Variants in GMEB2 observed in about 807,000 individuals in gnomAD.
GMEB2 encodes the protein glucocorticoid modulatory element binding protein 2, also known as glucocorticoid modulatory element-binding protein 2.
A neutral mutation model predicts 45.7 loss-of-function variants in GMEB2; 7 were observed. The observed-to-expected ratio is 0.15, with a 90% CI of 0.09 to 0.29. GMEB2 has a LOEUF of 0.29. Ranked by LOEUF, GMEB2 falls within the 10% of genes least tolerant of loss-of-function variation. The pLI is 1.00. For missense variants in GMEB2, 582 were observed against 739.2 expected, an observed-to-expected ratio of 0.79 and a Z score of 2.47; for synonymous variants, 322 against 323.6, an observed-to-expected ratio of 1.00 and a Z score of 0.05.
intron 2 of GMEB2, among the ~76,000 whole-genome samples, chr20:63,617,130 G>A (rs900105044): frequency 6.6e-6 from 1 of 151,938 alleles, no homozygotes; most frequent in African/African-American, 2.4e-5. Flanking sequence ...GCTTACCACC[G>A]CACCCAGCTG....
intron 2 of GMEB2, among the ~76,000 whole-genome samples, chr20:63,610,068 G>A (rs1428769142): frequency 6.6e-6 from 1 of 152,218 alleles, no homozygotes. Context: ...CTGAAACAGG[G>A]AACAAGTCTC....
chr20:63,608,058 A>C (rs1458673353), intron 2 of GMEB2, among the ~76,000 whole-genome samples: 3 of 664 alleles, frequency 4.5e-3, no homozygotes, highest in Admixed American at 5.3e-3. Flanking sequence ...CTGACCCCAC[A>C]TCCATTTCTA....
chr20:63,603,228 G>T, intron 3 of GMEB2, 136 bp from the exon 4 acceptor site: 1 of 894,872 alleles, frequency 1.1e-6, no homozygotes, highest in Non-Finnish European at 1.7e-6. Flanking sequence ...GCCTGAGATA[G>T]AGCCAAGGTG....
In GMEB2 at chr20:63,595,639, T is replaced by C; in HGVS notation, c.590A>G (p.Tyr197Cys). The change falls in exon 6 of 10, where the codon TAC becomes TGC. Residue 197 changes from tyrosine (Y) to cysteine (C), a missense_variant. By Grantham distance (194) the Tyr-to-Cys change is radical (BLOSUM62 -2). Around this residue, in one of 3 missense-constraint regions of GMEB2, gnomAD observed 462 missense variants for 586.7 expected, o/e 0.79. Coordinates refer to ENST00000370077, the MANE Select transcript of GMEB2 (RefSeq NM_012384.5). ...GGCTGCGGCGGGCGTGAGGGGAATG[T>C]ACTCGGCCGACGTGGGGCTGCTCAG... ...VSLSSPTSAE[Y>C]IPLTPAAADV... The C allele has an allele frequency of 6.2e-7, 1 of 1,612,612 alleles. No homozygotes were observed. Among genetic ancestry groups the C allele is most frequent in the Non-Finnish European group, 8.5e-7 (1 of 1,179,468 alleles).
At chr20:63,622,957 G>C (rs879424256) in intron 1 of GMEB2, among the ~76,000 whole-genome samples, 42 of 152,306 alleles carry the variant, frequency 2.8e-4, no homozygotes, top group Non-Finnish European at 5.3e-4. Flanking sequence ...TGGCGGGGAG[G>C]GCTGTGGTAG....
chr20:63,617,857 G>A (rs938002921), intron 2 of GMEB2, among the ~76,000 whole-genome samples: 13 of 152,186 alleles, frequency 8.5e-5, no homozygotes, highest in African/African-American at 3.1e-4. Flanking sequence ...TGGGTGACAC[G>A]AAAGCTGGGC....
At chr20:63,613,407 GC>G (rs1467997450) in intron 2 of GMEB2, among the ~76,000 whole-genome samples, 1 of 152,228 alleles carries the variant, frequency 6.6e-6, no homozygotes, top group East Asian at 1.9e-4. Context: ...GTCTGCCACT[GC>G]CCTGGTCCGT....
chr20:63,591,688 C>T (rs1305881778), intron 9 of GMEB2, among the ~76,000 whole-genome samples: 1 of 152,218 alleles, frequency 6.6e-6, no homozygotes, highest in Non-Finnish European at 1.5e-5. Context: ...TGGTCTCAAA[C>T]TCCTAGCCTG....
At chr20:63,625,831 C>T (rs994196009) in intron 1 of GMEB2, among the ~76,000 whole-genome samples, 5 of 152,132 alleles carry the variant, frequency 3.3e-5, no homozygotes, top group African/African-American at 1.2e-4. Flanking sequence ...CTCCTGACCT[C>T]ATGATCCGCC....
chr20:63,607,088 A>G (rs1170607993), intron 2 of GMEB2, among the ~76,000 whole-genome samples: 1 of 150,680 alleles, frequency 6.6e-6, no homozygotes, highest in Non-Finnish European at 1.5e-5. Flanking sequence ...TTCTAGAAAC[A>G]TGCCCCTCTA....
Position 63,588,716 on chromosome 20 carries a change from C to A in GMEB2, c.*1373G>T, listed in dbSNP as rs1347369845. ...GACCCTCGCATTGCGGGGCCTCAGA[C>A]GGGCCTTCAACTGCCGACAGAATCA... On this transcript the variant is annotated 3_prime_UTR_variant, in exon 10 of 10. Coordinates refer to ENST00000370077, the MANE Select transcript of GMEB2 (RefSeq NM_012384.5). 1.0e-5 allele frequency: 4 copies of A among 398,590 alleles called. No homozygotes were observed. Among genetic ancestry groups the A allele is most frequent in the Non-Finnish European group, 1.8e-5 (4 of 226,124 alleles). 24.7% of individuals were successfully genotyped at this position (398,590 alleles called of 1,614,324 possible). A position where few individuals can be genotyped will look rare whatever the true frequency, so the allele number is the denominator to read the frequency against.
intron 6 of GMEB2, among the ~76,000 whole-genome samples, chr20:63,595,012 G>A (rs1340557419): frequency 6.6e-6 from 1 of 152,186 alleles, no homozygotes; most frequent in Admixed American, 6.5e-5. Flanking sequence ...TGGGGTTACA[G>A]GTGTGAGCCA....
Position 63,590,676 on chromosome 20 carries a change from T to C in GMEB2, c.1006A>G (p.Lys336Glu). Residue 336 changes from lysine to glutamate, a missense_variant, in exon 10 of 10, where the codon AAG becomes GAG. Lys to Glu is a moderately conservative substitution (Grantham distance 56). Transcript: ENST00000370077. ...HRRRAKELKH[K>E]SQHLSNVLMT... ...AGCACGTTGCTGAGGTGCTGGGACT[T>C]GTGCTTCAGCTCCTTGGCTCGGCGA... 1 of 1,541,372 alleles carries C rather than the reference T, an allele frequency of 6.5e-7. No homozygotes were observed. Among genetic ancestry groups the C allele is most frequent in the Non-Finnish European group, 8.8e-7 (1 of 1,141,716 alleles).
intron 2 of GMEB2, among the ~76,000 whole-genome samples, chr20:63,612,858 G>A (rs1327951817): frequency 6.6e-6 from 1 of 152,178 alleles, no homozygotes; most frequent in Admixed American, 6.5e-5. Flanking sequence ...GGTTGGTGAG[G>A]CCGGCCCAGA....
At chr20:63,612,790 C>A (rs2089580432) in intron 2 of GMEB2, among the ~76,000 whole-genome samples, 1 of 152,182 alleles carries the variant, frequency 6.6e-6, no homozygotes, top group African/African-American at 2.4e-5. Context: ...CCAGAGACCC[C>A]TGTGGCCAAG....
In GMEB2 at chr20:63,590,247, T is replaced by G. The variant is rs746495579; in HGVS notation, c.1435A>C (p.Thr479Pro). The G allele has an allele frequency of 5.6e-6, 9 of 1,612,142 alleles. No homozygotes were observed. The highest frequency in any genetic ancestry group is 1.7e-5 in the Admixed American group (1 of 59,984). Residue 479 changes from threonine to proline, a missense_variant, in exon 10 of 10, where the codon ACG becomes CCG. Physicochemically the swap from Thr to Pro is conservative, Grantham distance 38 (BLOSUM62 -1). Transcript: ENST00000370077. ...AGGGTGGGGCCCAGGCCAGGCAACG[T>G]GAGCAGCTGTAGCGGGCTGACCACC... ...FKVVSPLQLL[T>P]LPGLGPTLQN...
chr20:63,619,217 G>C lies in GMEB2; in HGVS notation c.131+50C>G, dbSNP rs1458618953. ...GTTAATGCCAGCTGTGCCAAGGACA[G>C]CCCAACCCAAGCCCCCATCAGCCCC... On this transcript the variant is annotated intron_variant, in intron 2 of 9. Coordinates refer to ENST00000370077, the MANE Select transcript of GMEB2 (RefSeq NM_012384.5). The surrounding 1 kb of genome is among the most constrained non-coding windows in gnomAD (Gnocchi z 4.6). 3 of 1,516,144 alleles carry C rather than the reference G, an allele frequency of 2.0e-6. No individual in the cohort carries two copies. In the African/African-American group the frequency reaches 4.2e-5, roughly 21 times the overall value. 93.9% of individuals were successfully genotyped at this position (1,516,144 alleles called of 1,614,324 possible).
At chr20:63,596,417 C>G (rs1197528450) in intron 5 of GMEB2, among the ~76,000 whole-genome samples, 5 of 152,244 alleles carry the variant, frequency 3.3e-5, no homozygotes. Context: ...AAACGAGGGT[C>G]AGAGGCTCCA....
At chr20:63,624,941 C>T (rs550733884) in intron 1 of GMEB2, among the ~76,000 whole-genome samples, 5 of 152,062 alleles carry the variant, frequency 3.3e-5, no homozygotes, top group South Asian at 4.2e-4. Flanking sequence ...CTCCTGACCT[C>T]GTGATCCGCC....
Sources: gnomAD v4.1 joint callset for allele counts (sites outside exome capture counted in the v4.1 genomes callset) on GRCh38, gnomAD v4.1.1 for gene constraint, gnomAD v4.1.1 regional missense constraint, Gnocchi (gnomAD v3.1) non-coding constraint, MANE v1.5 for transcripts, NCBI Gene and HGNC (gene_info 2026-07-23, HGNC 2026-07-21) for gene names.